PITPNB: variants seen among roughly 807,000 people sequenced by gnomAD.
The protein encoded by PITPNB is phosphatidylinositol transfer protein beta isoform.
A neutral mutation model predicts 45.9 loss-of-function variants in PITPNB; 16 were observed. The observed-to-expected ratio is 0.35, with a 90% confidence interval of 0.24 to 0.53. The LOEUF is 0.53. Among genes scored for constraint, PITPNB ranks in the 20% least tolerant of loss-of-function variants. PITPNB has a pLI of 0.93. For missense variants in PITPNB, 188 were observed against 330.5 expected (o/e 0.57, Z 3.34); for synonymous variants, 112 against 108.9 (o/e 1.03, Z -0.18).
intron 8 of PITPNB, among the ~76,000 whole-genome samples, chr22:27,870,509 G>C (rs1000487389): frequency 2.6e-5 from 4 of 152,134 alleles, no homozygotes; most frequent in Non-Finnish European, 4.4e-5. Context: ...TTTTGAGAGA[G>C]AGACTGTGGA....
At chr22:27,910,708 A>G in intron 3 of PITPNB, 1 of 349,892 alleles carries the variant, frequency 2.9e-6, no homozygotes. Context: ...AGCTGCTTCT[A>G]GTGTTTCTCT....
chr22:27,881,667 G>A (rs1481504418), intron 7 of PITPNB, among the ~76,000 whole-genome samples: 3 of 152,174 alleles, frequency 2.0e-5, no homozygotes, highest in African/African-American at 7.2e-5. Flanking sequence ...GCTCCAAGAA[G>A]CAGAAAGCCC....
At chr22:27,898,308 G>C (rs959804803) in intron 3 of PITPNB, among the ~76,000 whole-genome samples, 9 of 151,994 alleles carry the variant, frequency 5.9e-5, no homozygotes, top group African/African-American at 2.2e-4. Context: ...CTGGGAGATA[G>C]AGGTTGCAGC....
At chr22:27,854,820 T>C in intron 11 of PITPNB, 34 bp downstream of exon 11, 1 of 1,379,480 alleles carries the variant, frequency 7.2e-7, no homozygotes, top group South Asian at 1.2e-5. Context: ...AGGTACAGGT[T>C]TCGAAACATC....
At chr22:27,913,101 A>C (rs1292406872) in intron 2 of PITPNB, among the ~76,000 whole-genome samples, 1 of 152,208 alleles carries the variant, frequency 6.6e-6, no homozygotes, top group African/African-American at 2.4e-5. Context: ...ACCAGCTGAA[A>C]TCAAAAGAAA....
intron 7 of PITPNB, among the ~76,000 whole-genome samples, chr22:27,893,392 C>T (rs1935340126): frequency 6.6e-6 from 1 of 151,248 alleles, no homozygotes; most frequent in African/African-American, 2.4e-5. Flanking sequence ...TCATGCCACT[C>T]TCCTGCCTCA....
chr22:27,856,052 T>C (rs115714187), intron 10 of PITPNB, among the ~76,000 whole-genome samples: 7,323 of 152,236 alleles, frequency 0.048, 291 homozygotes, highest in South Asian at 0.11. Context: ...TGATTCTGTG[T>C]GTGGAACCAA....
rs146687136 is a variant in PITPNB at position 27,873,961 on chromosome 22, TC to T, written c.457-147del. 2.5e-3 allele frequency: 1,499 copies of T among 604,300 alleles called. 12 individuals carry two copies. Among genetic ancestry groups the T allele is most frequent in the African/African-American group, 0.022 (1,208 of 54,290 alleles). The allele number at this position is 604,300 out of a possible 1,614,324, so 37.4% of individuals were successfully genotyped here. ...TTTTGCGTAAAAGTAGAAAAATGCTTCTTTAAGACACTGTTTTCAGTTTGGT... is the reference window on the plus strand; with the variant it reads ...TTTTGCGTAAAAGTAGAAAAATGCTTTTTAAGACACTGTTTTCAGTTTGGT... On this transcript the variant is annotated intron_variant, in intron 7 of 11. Transcript: ENST00000335272.
At chr22:27,866,026 C>T (rs114648134) in intron 8 of PITPNB, among the ~76,000 whole-genome samples, 4 of 151,884 alleles carry the variant, frequency 2.6e-5, no homozygotes, top group African/African-American at 7.3e-5. Flanking sequence ...TGCTAATCTG[C>T]GAGTAAATAA....
rs1601437176 is a variant in PITPNB, at chr22:27,917,600, G to A, written c.20+1572C>T. The stretch of plus-strand genomic sequence containing the variant: ...GAGAATTTTCACTCTACCAAAAAAA[G>A]GCAAAATGTCTCTTCTCAAAATCCC... On this transcript the variant is annotated intron_variant, in intron 1 of 11. Coordinates refer to ENST00000335272, the MANE Select transcript of PITPNB (RefSeq NM_012399.5). Among the ~76,000 whole-genome samples, 4 of 152,054 alleles carry A rather than the reference G, an allele frequency of 2.6e-5. No individual in the cohort carries two copies. The South Asian group carries it at 8.3e-4, about 31-fold the overall frequency.
At chr22:27,911,184 A>G (rs1935910555) in intron 2 of PITPNB, 75 bp from the exon 3 acceptor site, 1 of 1,004,140 alleles carries the variant, frequency 1.0e-6, no homozygotes. Flanking sequence ...AAATCTTAAT[A>G]ATATAGATGA....
chr22:27,919,227 A>C lies in PITPNB; in HGVS notation c.-36T>G. 1.3e-6 allele frequency: 2 copies of C among 1,569,358 alleles called. No individual in the cohort carries two copies. Among genetic ancestry groups the C allele is most frequent in the South Asian group, 2.2e-5 (2 of 90,014 alleles). On this transcript the variant is annotated 5_prime_UTR_variant, in exon 1 of 12. Coordinates refer to ENST00000335272, the MANE Select transcript of PITPNB (RefSeq NM_012399.5). ...CCCCCTCACAGCTGCCGCCGATACC[A>C]CCGCCGCCGCCGCCGCTACCGCCTC...
At chr22:27,855,813 T>C (rs1415450491) in intron 10 of PITPNB, among the ~76,000 whole-genome samples, 2 of 152,184 alleles carry the variant, frequency 1.3e-5, no homozygotes, top group African/African-American at 4.8e-5. Flanking sequence ...TCTTAAAATA[T>C]TTGTGAATTA....
At chr22:27,864,262 T>A (rs1934417526) in intron 8 of PITPNB, among the ~76,000 whole-genome samples, 1 of 152,226 alleles carries the variant, frequency 6.6e-6, no homozygotes, top group Admixed American at 6.5e-5. Context: ...GAGCTACAGT[T>A]ATTTAAAGTA....
intron 3 of PITPNB, among the ~76,000 whole-genome samples, chr22:27,905,739 G>T (rs955368986): frequency 6.6e-6 from 1 of 152,162 alleles, no homozygotes; most frequent in African/African-American, 2.4e-5. Context: ...TGAAGATGGC[G>T]AAAGTGTAAC....
rs1934044555 is a variant in PITPNB at position 27,852,392 on chromosome 22, G to A, written c.*1310C>T. The A allele has an allele frequency of 6.6e-6, 1 of 152,168 alleles. No individual in the cohort carries two copies. The highest frequency in any genetic ancestry group is 2.4e-5 in the African/African-American group (1 of 41,430). The allele number at this position is 152,168 out of a possible 1,614,324, so 9.4% of individuals were successfully genotyped here. On this transcript the variant is annotated 3_prime_UTR_variant, in exon 12 of 12. Coordinates refer to ENST00000335272, the MANE Select transcript of PITPNB (RefSeq NM_012399.5). ...CTGATAAAAATCTTACCTAGCTATT[G>A]TTCCTTCCTTTAAATAAAAAATAAA...
chr22:27,854,374 C>A (rs1403681576), intron 11 of PITPNB, among the ~76,000 whole-genome samples: 8 of 152,098 alleles, frequency 5.3e-5, no homozygotes, highest in African/African-American at 1.9e-4. Context: ...ACTGTAACAA[C>A]TGAAGACGAA....
Position 27,916,808 on chromosome 22 carries a change from A to AC in PITPNB, c.20+2363dup, listed in dbSNP as rs61399250. Among the ~76,000 whole-genome samples, 9 of 152,262 alleles carry AC rather than the reference A, an allele frequency of 5.9e-5. 1 individual carries two copies. The highest frequency in any genetic ancestry group is 2.2e-4 in the African/African-American group (9 of 41,566). ...ACAGAGACTCCGCCTCAAAAAAAAA[A>AC]CATAAAAATAAAAAAGAATTTTATA... On this transcript the variant is annotated intron_variant, in intron 1 of 11. Transcript: ENST00000335272.
At chr22:27,853,707 G>C in intron 11 of PITPNB, 44 bp from the exon 12 acceptor site, 1 of 1,404,092 alleles carries the variant, frequency 7.1e-7, no homozygotes, top group Non-Finnish European at 9.9e-7. Context: ...TTAAAATACA[G>C]AGACAGGAAA....
Sources: allele counts gnomAD v4.1 joint callset (sites outside exome capture counted in the v4.1 genomes callset), GRCh38; gene constraint gnomAD v4.1.1; transcripts MANE v1.5; gene names NCBI Gene and HGNC (gene_info 2026-07-23, HGNC 2026-07-21).